NEDD4L: variants seen among roughly 807,000 people sequenced by gnomAD.
The protein encoded by NEDD4L is E3 ubiquitin-protein ligase NEDD4-like.
Under a neutral mutation model 148.9 loss-of-function variants are expected in NEDD4L, and 54 were observed. The ratio of observed to expected loss-of-function variants is 0.36; its 90% confidence interval spans 0.29 to 0.45. The LOEUF is 0.45. Among genes scored for constraint, NEDD4L ranks in the 20% least tolerant of loss-of-function variants. NEDD4L has a pLI of 1.00. For synonymous variants in NEDD4L, 433 were observed against 440.7 expected, an observed-to-expected ratio of 0.98 and a Z score of 0.22; for missense variants, 856 against 1,233.8, an observed-to-expected ratio of 0.69 and a Z score of 4.59.
At chr18:58,348,719 C>T (rs564498292) in intron 16 of NEDD4L, among the ~76,000 whole-genome samples, 49 of 152,242 alleles carry the variant, frequency 3.2e-4, no homozygotes, top group African/African-American at 1.1e-3. Flanking sequence ...ATTTCCTCAT[C>T]TAAAGAAACA....
chr18:58,083,939 C>T lies in NEDD4L; in HGVS notation c.48+39231C>T, dbSNP rs910551094. On this transcript the variant is annotated intron_variant, in intron 1 of 30. Transcript: ENST00000400345. ...AGAGACAGGGTTTCACCATGTTGGC[C>T]GGCCTGGTCTTGAACTCCTGACCTC... 3.9e-5 allele frequency among the ~76,000 whole-genome samples: 6 copies of T among 152,112 alleles called. No homozygotes were observed. In the East Asian group the frequency reaches 7.7e-4, roughly 20 times the overall value.
intron 2 of NEDD4L, among the ~76,000 whole-genome samples, chr18:58,243,292 G>A (rs1035189371): frequency 2.0e-5 from 3 of 152,170 alleles, no homozygotes; most frequent in African/African-American, 7.2e-5. Flanking sequence ...GCATCTCCAC[G>A]GCACATTATC....
At chr18:58,335,428 AG>A (rs1330505206) in intron 12 of NEDD4L, 49 bp from the exon 13 acceptor site, 16 of 1,485,336 alleles carry the variant, frequency 1.1e-5, no homozygotes, top group Non-Finnish European at 1.3e-5. Flanking sequence ...TTCAGACAGC[AG>A]GGGGTCATCC....
chr18:58,089,126 A>ATTTTTTTTTTTTTT (rs570623396), intron 1 of NEDD4L, among the ~76,000 whole-genome samples: 4 of 100,984 alleles, frequency 4.0e-5, no homozygotes, highest in African/African-American at 4.0e-5. Flanking sequence ...TTATTTCATA[A>ATTTTTTTTTTTTTT]TTTTTTTTTT....
At chr18:58,158,547 G>A (rs1022921542) in intron 1 of NEDD4L, among the ~76,000 whole-genome samples, 2 of 152,158 alleles carry the variant, frequency 1.3e-5, no homozygotes, top group South Asian at 4.2e-4. Context: ...TTTCTACTTG[G>A]CATAATAGCA....
At chr18:58,096,633 T>A (rs1448289568) in intron 1 of NEDD4L, among the ~76,000 whole-genome samples, 1 of 151,976 alleles carries the variant, frequency 6.6e-6, no homozygotes, top group Non-Finnish European at 1.5e-5. Flanking sequence ...TGACCTTAGA[T>A]GATCCACCCA....
At chr18:58,204,930 C>A (rs181934825) in intron 2 of NEDD4L, among the ~76,000 whole-genome samples, 11 of 152,166 alleles carry the variant, frequency 7.2e-5, no homozygotes, top group Admixed American at 1.3e-4. Flanking sequence ...AAAAATAGAT[C>A]AAAAAATGGC....
At chr18:58,389,550 A>G (rs1047757375) in intron 28 of NEDD4L, 14 of 184,356 alleles carry the variant, frequency 7.6e-5, no homozygotes, top group African/African-American at 3.0e-4. Flanking sequence ...GCAAGATGCC[A>G]CTTTCTGTTA....
At chr18:58,308,504 A>T (rs2057316275) in intron 5 of NEDD4L, among the ~76,000 whole-genome samples, 1 of 152,222 alleles carries the variant, frequency 6.6e-6, no homozygotes, top group Admixed American at 6.5e-5. Flanking sequence ...TCCTCTGAAA[A>T]GGTACAACAT....
intron 1 of NEDD4L, among the ~76,000 whole-genome samples, chr18:58,120,797 TC>T (rs1006347370): frequency 2.6e-5 from 4 of 151,890 alleles, no homozygotes; most frequent in Non-Finnish European, 5.9e-5. Flanking sequence ...AGAAAAAAAG[TC>T]CCTTTCTACC....
chr18:58,245,311 G>A lies in NEDD4L; in HGVS notation c.123-116G>A, dbSNP rs1347889175. 3 of 560,874 alleles carry A rather than the reference G, an allele frequency of 5.3e-6. 1 individual carries two copies. In the East Asian group the frequency reaches 9.0e-5, roughly 17 times the overall value. The allele number at this position is 560,874 out of a possible 1,614,324, so 34.7% of individuals were successfully genotyped here. A position where few individuals can be genotyped will look rare whatever the true frequency, so the allele number is the denominator to read the frequency against. ...TGTTAAAAAGGTTATTGCTTAGTTT[G>A]TGGAAATAATACAAGCTGAGACTTT... On this transcript the variant is annotated intron_variant, in intron 2 of 30. Coordinates refer to ENST00000400345, the MANE Select transcript of NEDD4L (RefSeq NM_001144967.3).
At chr18:58,336,501 C>T (rs1419542909) in intron 13 of NEDD4L, among the ~76,000 whole-genome samples, 2 of 151,594 alleles carry the variant, frequency 1.3e-5, no homozygotes, top group East Asian at 1.9e-4. Context: ...GGCGTGAACC[C>T]GGGAGGCAGA....
intron 1 of NEDD4L, among the ~76,000 whole-genome samples, chr18:58,076,185 C>T (rs574888784): frequency 5.0e-4 from 76 of 152,236 alleles, no homozygotes; most frequent in African/African-American, 1.8e-3. Context: ...GAGAAGCCTA[C>T]AAATATGCAA....
At chr18:58,072,865 CG>C (rs1568175530) in intron 1 of NEDD4L, among the ~76,000 whole-genome samples, 6 of 118,656 alleles carry the variant, frequency 5.1e-5, no homozygotes, top group African/African-American at 2.4e-4. Context: ...AAGGCGCGCG[CG>C]CGCGCGCACA....
In NEDD4L at chr18:58,341,224, A is replaced by G. The variant is rs530365861; in HGVS notation, c.1257+55A>G. ...GCAGGCCATAGAAGCCGAAATGTACATGACCGAACTCCTTTCCTGGTGTTT... is the reference window on the plus strand; with the variant it reads ...GCAGGCCATAGAAGCCGAAATGTACGTGACCGAACTCCTTTCCTGGTGTTT... On this transcript the variant is annotated intron_variant, in intron 14 of 30. Coordinates refer to ENST00000400345, the MANE Select transcript of NEDD4L (RefSeq NM_001144967.3). 651 of 1,584,952 alleles carry G rather than the reference A, an allele frequency of 4.1e-4. 7 individuals are homozygous for G. The African/African-American group carries it at 6.7e-3, about 16-fold the overall frequency.
chr18:58,111,601 G>T (rs1170308529), intron 1 of NEDD4L, among the ~76,000 whole-genome samples: 2 of 152,124 alleles, frequency 1.3e-5, no homozygotes, highest in Non-Finnish European at 2.9e-5. Context: ...TGTTATAGCA[G>T]GTATCAGCAC....
chr18:58,273,358 CAA>C (rs1406310588), intron 5 of NEDD4L, among the ~76,000 whole-genome samples: 1 of 152,166 alleles, frequency 6.6e-6, no homozygotes, highest in African/African-American at 2.4e-5. Context: ...ACAGGAAAAA[CAA>C]AGACTAGTAT....
In NEDD4L at chr18:58,123,857, C is replaced by G. The variant is rs1194564950; in HGVS notation, c.49-41931C>G. On this transcript the variant is annotated intron_variant, in intron 1 of 30. Transcript: ENST00000400345. ...CCCCAGCTCCTGTCTCACTCAGGCC[C>G]CTTGCCACTCTCAAGGCATCTTCTT... Among the ~76,000 whole-genome samples, 4 of 152,150 alleles carry G rather than the reference C, an allele frequency of 2.6e-5. No individual in the cohort carries two copies. In the South Asian group the frequency reaches 6.2e-4, roughly 24 times the overall value.
intron 5 of NEDD4L, among the ~76,000 whole-genome samples, chr18:58,259,355 A>G (rs1391599979): frequency 6.6e-6 from 1 of 152,216 alleles, no homozygotes; most frequent in Non-Finnish European, 1.5e-5. Flanking sequence ...AATTTTCAGA[A>G]TTGTTAGAAT....
Sources: allele counts gnomAD v4.1 joint callset (sites outside exome capture counted in the v4.1 genomes callset), GRCh38; gene constraint gnomAD v4.1.1; transcripts MANE v1.5; gene names NCBI Gene and HGNC (gene_info 2026-07-23, HGNC 2026-07-21).